The following ZNF654 variants were observed in gnomAD, a reference collection of about 807,000 sequenced individuals.
ZNF654 encodes the protein zinc finger protein 654, also known as melanoma-associated antigen.
Under a neutral mutation model 95.3 loss-of-function variants are expected in ZNF654, and 19 were observed. The ratio of observed to expected loss-of-function variants is 0.20; its 90% CI spans 0.14 to 0.29. The LOEUF is 0.29. Ranked by LOEUF, ZNF654 falls within the 10% of genes least tolerant of loss-of-function variation. The pLI, the probability that ZNF654 is intolerant of heterozygous loss-of-function variation, is 1.00. For missense variants in ZNF654, 1,046 were observed against 1,341.0 expected (o/e 0.78, Z 3.44); for synonymous variants, 413 against 457.9 (o/e 0.90, Z 1.25).
At chr3:88,118,929 T>C (rs530491731) in intron 3 of ZNF654, among the ~76,000 whole-genome samples, 1 of 149,942 alleles carries the variant, frequency 6.7e-6, no homozygotes, top group Non-Finnish European at 1.5e-5. Flanking sequence ...ACTTTTACAC[T>C]GTTGGTGGGA....
intron 2 of ZNF654, among the ~76,000 whole-genome samples, chr3:88,102,817 CTTTTTTT>C (rs10701359): frequency 4.7e-5 from 5 of 106,548 alleles, no homozygotes; most frequent in Admixed American, 2.3e-4. Flanking sequence ...CCTCTACTGT[CTTTTTTT>C]TTTTTTTTTT....
chr3:88,140,052 C>G lies in ZNF654; in HGVS notation c.2383C>G (p.Gln795Glu). 2 of 1,613,702 alleles carry G rather than the reference C, an allele frequency of 1.2e-6. No homozygotes were observed. Among genetic ancestry groups the G allele is most frequent in the Non-Finnish European group, 1.7e-6 (2 of 1,179,734 alleles). ...SKGKCKFCQR[Q>E]FEDSQHFIDH... The stretch of plus-strand genomic sequence containing the variant: ...AGGAAAATGCAAATTTTGTCAAAGG[C>G]AATTTGAAGATTCTCAACATTTTAT... Residue 795 changes from glutamine (Q) to glutamate (E), a missense_variant, in exon 8 of 9, where the codon CAA becomes GAA. By Grantham distance (29) the Gln-to-Glu change is conservative. Transcript: ENST00000636215.
chr3:88,089,985 T>C (rs1708547992), intron 2 of ZNF654, among the ~76,000 whole-genome samples: 1 of 152,228 alleles, frequency 6.6e-6, no homozygotes, highest in African/African-American at 2.4e-5. Flanking sequence ...TTATTCATGC[T>C]TGTGGTGATG....
chr3:88,125,316 TAATA>T (rs1258260085), intron 3 of ZNF654, among the ~76,000 whole-genome samples: 2 of 152,142 alleles, frequency 1.3e-5, no homozygotes, highest in African/African-American at 4.8e-5. Flanking sequence ...AATCTAGATC[TAATA>T]AATGAGATTT....
chr3:88,098,527 A>G (rs1486410866), intron 2 of ZNF654, among the ~76,000 whole-genome samples: 4 of 152,186 alleles, frequency 2.6e-5, no homozygotes, highest in Admixed American at 2.6e-4. Flanking sequence ...AGACACAACA[A>G]AAAATGAGAA....
In ZNF654 at chr3:88,144,578, CAATA is replaced by C. The variant is rs1326758890; in HGVS notation, c.*2930_*2933del. 1 of 152,298 alleles carries C rather than the reference CAATA, an allele frequency of 6.6e-6. No homozygotes were observed. Among genetic ancestry groups the C allele is most frequent in the East Asian group, 1.9e-4 (1 of 5,192 alleles). 9.4% of individuals were successfully genotyped at this position (152,298 alleles called of 1,614,324 possible). ...AAATTAAAACTGAGCCATTGAACTG[CAATA>C]AATCAACAATAGTGTCTCATTTCAA... On this transcript the variant is annotated 3_prime_UTR_variant, in exon 9 of 9. Transcript: ENST00000636215.
chr3:88,094,771 A>C (rs1376246244), intron 2 of ZNF654, among the ~76,000 whole-genome samples: 2 of 152,106 alleles, frequency 1.3e-5, no homozygotes, highest in African/African-American at 4.8e-5. Context: ...TCATTAAAAA[A>C]CTACAGAGCT....
chr3:88,132,891 C>T (rs945766409), intron 6 of ZNF654, among the ~76,000 whole-genome samples: 9 of 152,164 alleles, frequency 5.9e-5, no homozygotes, highest in African/African-American at 2.2e-4. Context: ...GTGATAGCAT[C>T]TGTGCCTAAA....
chr3:88,119,884 T>TAA (rs1705666328), intron 3 of ZNF654, among the ~76,000 whole-genome samples: 1 of 152,174 alleles, frequency 6.6e-6, no homozygotes, highest in Non-Finnish European at 1.5e-5. Flanking sequence ...ATGCTGTTAG[T>TAA]TGATGGTTTT....
chr3:88,122,882 C>T (rs768814453), intron 3 of ZNF654, among the ~76,000 whole-genome samples: 2 of 151,248 alleles, frequency 1.3e-5, no homozygotes, highest in Non-Finnish European at 3.0e-5. Flanking sequence ...TGGTGGTGGG[C>T]GCCTGTAATC....
chr3:88,129,813 A>G lies in ZNF654; in HGVS notation c.880A>G (p.Met294Val). Reference sequence around the variant, plus strand: ...TATTCCACAGCTCCAGAATGGGGATATGTACTGTATCTGGTAAGTGTTTGT... The same window carrying G: ...TATTCCACAGCTCCAGAATGGGGATGTGTACTGTATCTGGTAAGTGTTTGT... Reference protein sequence around the residue: ...FLIPQLQNGDMYCIWELIFIW... With the variant: ...FLIPQLQNGDVYCIWELIFIW... Residue 294 changes from methionine (M) to valine (V), a missense_variant, in exon 6 of 9, where the codon ATG becomes GTG. Around this residue, in one of 9 missense-constraint regions of ZNF654, gnomAD observed 121 missense variants for 141.7 expected, o/e 0.85. Coordinates refer to ENST00000636215, the MANE Select transcript of ZNF654 (RefSeq NM_001350134.2). 2 of 1,493,960 alleles carry G rather than the reference A, an allele frequency of 1.3e-6. No homozygotes were observed. Among genetic ancestry groups the G allele is most frequent in the Non-Finnish European group, 1.8e-6 (2 of 1,121,480 alleles). The allele number at this position is 1,493,960 out of a possible 1,614,324, so 92.5% of individuals were successfully genotyped here. A position where few individuals can be genotyped will look rare whatever the true frequency, so the allele number is the denominator to read the frequency against.
intron 7 of ZNF654, among the ~76,000 whole-genome samples, chr3:88,137,250 G>T (rs1269929180): frequency 7.2e-6 from 1 of 138,984 alleles, no homozygotes; most frequent in East Asian, 2.2e-4. Flanking sequence ...GAAAGAAAAC[G>T]AATTCTGTTT....
At chr3:88,060,134 C>T (rs573789573) in intron 1 of ZNF654, among the ~76,000 whole-genome samples, 3 of 152,104 alleles carry the variant, frequency 2.0e-5, no homozygotes, top group African/African-American at 7.2e-5. Flanking sequence ...TTTTAACCTC[C>T]TTCGGTTGAC....
Position 88,112,139 on chromosome 3 carries a change from C to T in ZNF654, c.333-976C>T, listed in dbSNP as rs79621941. ...TTTGTAGTAGTCAAATTTATAAAAA[C>T]GTCAGGTTATGGAGTATGGTGATTG... On this transcript the variant is annotated intron_variant, in intron 2 of 8. Coordinates refer to ENST00000636215, the MANE Select transcript of ZNF654 (RefSeq NM_001350134.2). 8.8e-4 allele frequency among the ~76,000 whole-genome samples: 134 copies of T among 151,794 alleles called. 2 individuals are homozygous for T. In the East Asian group the frequency reaches 0.023, roughly 26 times the overall value.
chr3:88,113,724 G>A (rs754527032), intron 3 of ZNF654, among the ~76,000 whole-genome samples: 1 of 152,186 alleles, frequency 6.6e-6, no homozygotes, highest in African/African-American at 2.4e-5. Context: ...AAGCAACCCT[G>A]ACCCACTCGG....
At chr3:88,086,518 A>G (rs1276446372) in intron 2 of ZNF654, 116 bp downstream of exon 2, 1 of 960,750 alleles carries the variant, frequency 1.0e-6, no homozygotes, top group African/African-American at 1.7e-5. Context: ...TCAAAAAGAA[A>G]TGTTTATTTT....
chr3:88,142,668 C>A lies in ZNF654; in HGVS notation c.*1016C>A, dbSNP rs551292430. 2.6e-5 allele frequency: 4 copies of A among 152,368 alleles called. No homozygotes were observed. Among genetic ancestry groups the A allele is most frequent in the Admixed American group, 1.3e-4 (2 of 15,254 alleles). The allele number at this position is 152,368 out of a possible 1,614,324, so 9.4% of individuals were successfully genotyped here. A position where few individuals can be genotyped will look rare whatever the true frequency, so the allele number is the denominator to read the frequency against. On this transcript the variant is annotated 3_prime_UTR_variant, in exon 9 of 9. Coordinates refer to ENST00000636215, the MANE Select transcript of ZNF654 (RefSeq NM_001350134.2). ...TCAGCTAAGAATCAGGTTGAGAAAT[C>A]ATTCATTTTATTCTATTAGGAGAGG...
At chr3:88,118,365 T>C (rs1705542826) in intron 3 of ZNF654, among the ~76,000 whole-genome samples, 1 of 151,964 alleles carries the variant, frequency 6.6e-6, no homozygotes, top group African/African-American at 2.4e-5. Flanking sequence ...TAATATACCA[T>C]AGGAGAAGTG....
chr3:88,072,013 C>T (rs1707544366), intron 1 of ZNF654, among the ~76,000 whole-genome samples: 2 of 152,102 alleles, frequency 1.3e-5, no homozygotes, highest in African/African-American at 2.4e-5. Context: ...GTTGAATATC[C>T]TTAGATATCT....
Sources: allele counts gnomAD v4.1 joint callset (sites outside exome capture counted in the v4.1 genomes callset), GRCh38; gene constraint gnomAD v4.1.1; regional missense constraint gnomAD v4.1.1; transcripts MANE v1.5; gene names NCBI Gene and HGNC (gene_info 2026-07-23, HGNC 2026-07-21).